The following SHROOM3 variants were observed in gnomAD, a reference collection of about 807,000 sequenced individuals.
SHROOM3 encodes the protein protein Shroom3.
Under a neutral mutation model 138.6 loss-of-function variants are expected in SHROOM3, and 47 were observed. The ratio of observed to expected loss-of-function variants is 0.34; its 90% confidence interval spans 0.27 to 0.43. SHROOM3 has a LOEUF of 0.43. Ranked by LOEUF, SHROOM3 falls within the 20% of genes least tolerant of loss-of-function variation. The pLI is 1.00. For synonymous variants in SHROOM3, 1,062 were observed against 1,063.3 expected (o/e 1.00, Z 0.02); for missense variants, 2,491 against 2,596.5 (o/e 0.96, Z 0.88).
chr4:76,453,942 T>C lies in SHROOM3; in HGVS notation c.168+17722T>C, dbSNP rs74961463. ...TTTTGATGTTAGATTCGAGAAATCA[T>C]TGCCAAGTCCAATGTCATGAAACTT... On this transcript the variant is annotated intron_variant, in intron 1 of 10. Coordinates refer to ENST00000296043, the MANE Select transcript of SHROOM3 (RefSeq NM_020859.4). Among the ~76,000 whole-genome samples the C allele has an allele frequency of 1.5e-3, 228 of 152,362 alleles. 1 individual carries two copies. The highest frequency in any genetic ancestry group is 5.3e-3 in the African/African-American group (219 of 41,594).
chr4:76,683,186 G>A (rs1383317151), intron 2 of SHROOM3, among the ~76,000 whole-genome samples: 1 of 151,154 alleles, frequency 6.6e-6, no homozygotes, highest in Non-Finnish European at 1.5e-5. Flanking sequence ...TTGCTGAATA[G>A]TTTTTTTTTC....
chr4:76,522,186 G>A (rs1028441335), intron 1 of SHROOM3, among the ~76,000 whole-genome samples: 7 of 149,220 alleles, frequency 4.7e-5, no homozygotes, highest in African/African-American at 7.4e-5. Flanking sequence ...TTAGGACAAC[G>A]GAGAAGTTTG....
intron 2 of SHROOM3, among the ~76,000 whole-genome samples, chr4:76,677,382 A>G (rs1719069526): frequency 1.3e-5 from 2 of 152,130 alleles, no homozygotes; most frequent in Non-Finnish European, 2.9e-5. Flanking sequence ...TCCCTTCTTT[A>G]CTGTTGGACC....
chr4:76,480,217 A>G (rs1016915281), intron 1 of SHROOM3, among the ~76,000 whole-genome samples: 1 of 152,244 alleles, frequency 6.6e-6, no homozygotes, highest in African/African-American at 2.4e-5. Context: ...GTCAAGACCC[A>G]TCGGTGTGCT....
At chr4:76,759,800 AC>A in intron 9 of SHROOM3, 105 bp downstream of exon 9, 2 of 1,337,646 alleles carry the variant, frequency 1.5e-6, no homozygotes, top group Non-Finnish European at 2.1e-6. Flanking sequence ...TGGGGAAAGG[AC>A]CTGTCACATC....
At chr4:76,639,635 C>G in intron 2 of SHROOM3, 1 of 396,314 alleles carries the variant, frequency 2.5e-6, no homozygotes, top group Non-Finnish European at 4.4e-6. Context: ...AAGAAGACAA[C>G]GAAACATGTA....
intron 2 of SHROOM3, among the ~76,000 whole-genome samples, chr4:76,643,211 CAAAAA>C (rs34800196): frequency 1.5e-4 from 19 of 125,130 alleles, no homozygotes; most frequent in East Asian, 2.4e-4. Context: ...GATGCTGTCT[CAAAAA>C]AAAAAAAAAA....
chr4:76,613,286 T>G (rs1734802199), intron 2 of SHROOM3, among the ~76,000 whole-genome samples: 1 of 152,170 alleles, frequency 6.6e-6, no homozygotes, highest in Admixed American at 6.5e-5. Context: ...TCATTTCTTA[T>G]CTTCATGGCT....
intron 1 of SHROOM3, among the ~76,000 whole-genome samples, chr4:76,448,113 C>G (rs1342731749): frequency 4.6e-5 from 7 of 151,996 alleles, no homozygotes; most frequent in Non-Finnish European, 1.0e-4. Flanking sequence ...TGCTGTGGGT[C>G]AGGTACTATG....
intron 1 of SHROOM3, among the ~76,000 whole-genome samples, chr4:76,446,974 C>T (rs1236358242): frequency 1.3e-5 from 2 of 152,180 alleles, no homozygotes; most frequent in Non-Finnish European, 2.9e-5. Flanking sequence ...CATTCACTTT[C>T]CCTGCAAGGC....
At chr4:76,610,177 A>G (rs1222533764) in intron 2 of SHROOM3, among the ~76,000 whole-genome samples, 4 of 152,234 alleles carry the variant, frequency 2.6e-5, no homozygotes, top group African/African-American at 9.6e-5. Context: ...AAAAGAGAAG[A>G]TAACCACCAT....
intron 1 of SHROOM3, among the ~76,000 whole-genome samples, chr4:76,552,195 T>C (rs1383771621): frequency 6.7e-6 from 1 of 150,262 alleles, no homozygotes; most frequent in Non-Finnish European, 1.5e-5. Context: ...AAATAAAAGC[T>C]ATTTTATATA....
intron 2 of SHROOM3, among the ~76,000 whole-genome samples, chr4:76,573,908 A>T (rs1252447418): frequency 6.6e-6 from 1 of 152,130 alleles, no homozygotes; most frequent in East Asian, 1.9e-4. Context: ...GATGTCTGAG[A>T]TTCTTCCTTC....
chr4:76,662,398 G>A (rs1220452319), intron 2 of SHROOM3, among the ~76,000 whole-genome samples: 2 of 152,110 alleles, frequency 1.3e-5, no homozygotes, highest in African/African-American at 2.4e-5. Context: ...CCTGCAAGAC[G>A]CATTGAATCC....
chr4:76,602,648 C>T (rs1734530152), intron 2 of SHROOM3, among the ~76,000 whole-genome samples: 1 of 152,078 alleles, frequency 6.6e-6, no homozygotes, highest in Non-Finnish European at 1.5e-5. Context: ...CTTGGTCCAG[C>T]CCTAGGAAAA....
chr4:76,591,099 G>GT (rs1268701580), intron 2 of SHROOM3, among the ~76,000 whole-genome samples: 1 of 152,100 alleles, frequency 6.6e-6, no homozygotes, highest in Non-Finnish European at 1.5e-5. Context: ...AAAAACTGAG[G>GT]TTTTTCCTCA....
chr4:76,650,935 G>C (rs1204412585), intron 2 of SHROOM3, among the ~76,000 whole-genome samples: 1 of 152,170 alleles, frequency 6.6e-6, no homozygotes, highest in African/African-American at 2.4e-5. Context: ...ATACACAATG[G>C]AGTACTATTT....
intron 2 of SHROOM3, among the ~76,000 whole-genome samples, chr4:76,686,216 C>A (rs1719331305): frequency 6.6e-6 from 1 of 151,952 alleles, no homozygotes; most frequent in South Asian, 2.1e-4. Context: ...GATGGCGTCC[C>A]CCTATGTTGC....
chr4:76,610,393 A>G (rs558889202), intron 2 of SHROOM3, among the ~76,000 whole-genome samples: 48 of 152,232 alleles, frequency 3.2e-4, no homozygotes, highest in Non-Finnish European at 6.0e-4. Flanking sequence ...TTTGATTTTT[A>G]GTAACCTTTA....
Sources: gnomAD v4.1 joint callset for allele counts (sites outside exome capture counted in the v4.1 genomes callset) on GRCh38, gnomAD v4.1.1 for gene constraint, MANE v1.5 for transcripts, NCBI Gene and HGNC (gene_info 2026-07-23, HGNC 2026-07-21) for gene names.